The following DENND1A variants were observed in gnomAD, a reference collection of about 807,000 sequenced individuals.
DENND1A encodes DENN domain-containing protein 1A.
Under a neutral mutation model 113.7 loss-of-function variants are expected in DENND1A, and 51 were observed. The observed-to-expected ratio is 0.45, with a 90% CI of 0.36 to 0.57. The LOEUF (loss-of-function observed/expected upper bound fraction) is 0.57, where lower values mean the gene tolerates loss of function less well. DENND1A is among the 20% of genes least tolerant of loss of function. The probability of loss-of-function intolerance (pLI) is 0.00; values close to 1 mark genes in which losing one functional copy is unlikely to be tolerated. For synonymous variants in DENND1A, 565 were observed against 570.8 expected (o/e 0.99, Z 0.14); for missense variants, 1,258 against 1,395.9 (o/e 0.90, Z 1.57).
chr9:123,841,014 T>G (rs1302201723), intron 2 of DENND1A, among the ~76,000 whole-genome samples: 2 of 152,186 alleles, frequency 1.3e-5, no homozygotes, highest in African/African-American at 4.8e-5. Flanking sequence ...AGCTATTTCA[T>G]CTCTGCCCTA....
rs998755133 is a variant in DENND1A, at chr9:123,380,300, AAG to A, written c.*1130_*1131del. 4.6e-5 allele frequency: 7 copies of A among 152,682 alleles called. No individual in the cohort carries two copies. Among genetic ancestry groups the A allele is most frequent in the African/African-American group, 1.4e-4 (6 of 41,582 alleles). 9.5% of individuals were successfully genotyped at this position (152,682 alleles called of 1,614,324 possible). A position where few individuals can be genotyped will look rare whatever the true frequency, so the allele number is the denominator to read the frequency against. ...TCAAATCAATAAGGTAAAAAGGAAA[AAG>A]AAAGATAATAAACATTCAATCTAAC... On this transcript the variant is annotated 3_prime_UTR_variant, in exon 24 of 24. Coordinates refer to ENST00000394215, the MANE Select transcript of DENND1A (RefSeq NM_001352964.2).
intron 2 of DENND1A, 97 bp from the exon 3 acceptor site, chr9:123,792,727 G>C (rs778545679): frequency 1.5e-4 from 212 of 1,415,426 alleles, no homozygotes; most frequent in Non-Finnish European, 2.0e-4. Flanking sequence ...TAGCAGCCCT[G>C]GCAGGGGATC....
intron 13 of DENND1A, among the ~76,000 whole-genome samples, chr9:123,488,512 A>G (rs1269769252): frequency 1.3e-5 from 2 of 152,194 alleles, no homozygotes; most frequent in African/African-American, 2.4e-5. Flanking sequence ...TCTCTTCTTG[A>G]TGGGCAAGAT....
chr9:123,387,981 G>T, intron 21 of DENND1A, 123 bp from the exon 22 acceptor site: 1 of 1,024,070 alleles, frequency 9.8e-7, no homozygotes, highest in Non-Finnish European at 1.3e-6. Context: ...GTGCCAGCCT[G>T]GGGTGGGGGC....
At chr9:123,713,845 T>G (rs956798467) in intron 5 of DENND1A, among the ~76,000 whole-genome samples, 2 of 152,112 alleles carry the variant, frequency 1.3e-5, no homozygotes, top group African/African-American at 4.8e-5. Flanking sequence ...AGAGGTGAAA[T>G]ATCTTTCCCA....
intron 1 of DENND1A, among the ~76,000 whole-genome samples, chr9:123,915,357 A>G (rs1181723851): frequency 1.3e-5 from 2 of 152,146 alleles, no homozygotes; most frequent in African/African-American, 4.8e-5. Context: ...CACTTTTAGA[A>G]TTAACCAAAA....
chr9:123,713,274 G>C (rs1470121683), intron 5 of DENND1A, among the ~76,000 whole-genome samples: 1 of 152,224 alleles, frequency 6.6e-6, no homozygotes, highest in Non-Finnish European at 1.5e-5. Flanking sequence ...CAGCATGAAA[G>C]TCTGGAGATC....
chr9:123,636,488 T>C (rs1330625976), intron 9 of DENND1A, among the ~76,000 whole-genome samples: 1 of 151,720 alleles, frequency 6.6e-6, no homozygotes, highest in African/African-American at 2.4e-5. Context: ...AATTAATGTT[T>C]GTATTTTTAG....
At chr9:123,419,209 G>T (rs952565945) in intron 19 of DENND1A, among the ~76,000 whole-genome samples, 5 of 152,258 alleles carry the variant, frequency 3.3e-5, no homozygotes, top group African/African-American at 9.6e-5. Flanking sequence ...GGCTGGTGAG[G>T]GGAGGCCAAG....
chr9:123,720,824 A>G lies in DENND1A; in HGVS notation c.302+36879T>C, dbSNP rs553877133. ...GGGAGTAAACACTTGGGGAACACAA[A>G]CAACTCAAGGCTAGTTTAGGCAAAA... On this transcript the variant is annotated intron_variant, in intron 5 of 23. Transcript: ENST00000394215. Among the ~76,000 whole-genome samples, 223 of 152,342 alleles carry G rather than the reference A, an allele frequency of 1.5e-3. 1 individual carries two copies. The highest frequency in any genetic ancestry group is 5.3e-3 in the African/African-American group (219 of 41,574).
intron 5 of DENND1A, among the ~76,000 whole-genome samples, chr9:123,735,077 G>A (rs2068463761): frequency 6.6e-6 from 1 of 152,138 alleles, no homozygotes; most frequent in South Asian, 2.1e-4. Context: ...TGAACCTTCT[G>A]AGTTTATATT....
At chr9:123,872,511 TACACACACATTC>T (rs1846801366) in intron 2 of DENND1A, among the ~76,000 whole-genome samples, 1 of 152,106 alleles carries the variant, frequency 6.6e-6, no homozygotes, top group African/African-American at 2.4e-5. Context: ...ATATTTTATT[TACACACACATTC>T]ACACACACAA....
intron 20 of DENND1A, among the ~76,000 whole-genome samples, chr9:123,403,882 T>A (rs2043719052): frequency 1.3e-5 from 2 of 152,156 alleles, no homozygotes. Context: ...GAAGCTGGTT[T>A]TGTAGAAAGA....
intron 4 of DENND1A, among the ~76,000 whole-genome samples, chr9:123,762,724 T>A (rs1187221544): frequency 6.6e-6 from 1 of 152,142 alleles, no homozygotes; most frequent in East Asian, 1.9e-4. Context: ...CTTGTAATAG[T>A]GGTATTACAA....
At chr9:123,538,513 C>T (rs532170901) in intron 13 of DENND1A, among the ~76,000 whole-genome samples, 10 of 151,960 alleles carry the variant, frequency 6.6e-5, no homozygotes, top group Admixed American at 4.6e-4. Context: ...AAGCCTGGAA[C>T]CTCTTGTAAT....
At chr9:123,817,326 T>C (rs1837660242) in intron 2 of DENND1A, among the ~76,000 whole-genome samples, 4 of 152,150 alleles carry the variant, frequency 2.6e-5, no homozygotes. Flanking sequence ...GATTTCACTG[T>C]AGGAGGTTAA....
chr9:123,862,978 G>C (rs941365162), intron 2 of DENND1A, among the ~76,000 whole-genome samples: 1 of 152,152 alleles, frequency 6.6e-6, no homozygotes, highest in Non-Finnish European at 1.5e-5. Context: ...TTCAAAACTT[G>C]AAAATAGGAT....
intron 11 of DENND1A, among the ~76,000 whole-genome samples, chr9:123,596,328 G>A (rs560884386): frequency 6.6e-6 from 1 of 152,108 alleles, no homozygotes; most frequent in Non-Finnish European, 1.5e-5. Flanking sequence ...TAAACCTTAC[G>A]CTATTCACAT....
chr9:123,756,042 C>T (rs1205193397), intron 5 of DENND1A, among the ~76,000 whole-genome samples: 1 of 152,190 alleles, frequency 6.6e-6, no homozygotes, highest in East Asian at 1.9e-4. Context: ...TCCCAAGTAG[C>T]TGGGATTACA....
Sources: gnomAD v4.1 joint callset for allele counts (sites outside exome capture counted in the v4.1 genomes callset) on GRCh38, gnomAD v4.1.1 for gene constraint, MANE v1.5 for transcripts, NCBI Gene and HGNC (gene_info 2026-07-23, HGNC 2026-07-21) for gene names.